The following GALNT13 variants were observed in gnomAD, a reference collection of about 807,000 sequenced individuals.
The protein encoded by GALNT13 is polypeptide N-acetylgalactosaminyltransferase 13, also known as UDP-GalNAc:polypeptide N-acetylgalactosaminyltransferase 13.
GALNT13 carries 28 observed loss-of-function variants against 64.2 expected under a neutral mutation model. That is an observed-to-expected ratio of 0.44 (90% CI 0.32 to 0.60). GALNT13 has a LOEUF of 0.60. Ranked by LOEUF, GALNT13 falls within the 20% of genes least tolerant of loss-of-function variation. The pLI is 0.05. For synonymous variants in GALNT13, 214 were observed against 224.6 expected, an observed-to-expected ratio of 0.95 and a Z score of 0.42; for missense variants, 577 against 669.8, an observed-to-expected ratio of 0.86 and a Z score of 1.53.
chr2:153,107,820 C>T, the GALNT13 span, among the ~76,000 whole-genome samples: 1 of 152,076 alleles, frequency 6.6e-6, no homozygotes, highest in Non-Finnish European at 1.5e-5. Context: ...CAAAGGAAAG[C>T]CATTTTGGGA....
intron 3 of GALNT13, among the ~76,000 whole-genome samples, chr2:153,992,878 C>G (rs1201998831): frequency 6.6e-6 from 1 of 152,124 alleles, no homozygotes; most frequent in Non-Finnish European, 1.5e-5. Context: ...TTTATTGATG[C>G]TTATAGAAGT....
At chr2:153,250,675 T>A in the GALNT13 span, among the ~76,000 whole-genome samples, 15 of 152,264 alleles carry the variant, frequency 9.9e-5, no homozygotes, top group African/African-American at 3.4e-4. Flanking sequence ...ATGTGGCACA[T>A]ATACACCATG....
chr2:153,805,243 G>C, the GALNT13 span, among the ~76,000 whole-genome samples: 2,517 of 151,544 alleles, frequency 0.017, 76 homozygotes, highest in African/African-American at 0.057. Flanking sequence ...CAAAGCAAGG[G>C]TATAGAAAAA....
intron 3 of GALNT13, among the ~76,000 whole-genome samples, chr2:153,994,993 A>G (rs1372498642): frequency 6.6e-6 from 1 of 152,088 alleles, no homozygotes; most frequent in African/African-American, 2.4e-5. Flanking sequence ...TTAAGTGTCT[A>G]TACTAATGTA....
At chr2:153,802,153 A>G in the GALNT13 span, among the ~76,000 whole-genome samples, 1 of 152,176 alleles carries the variant, frequency 6.6e-6, no homozygotes, top group African/African-American at 2.4e-5. Context: ...ACATGCCCTT[A>G]AGTTTTCTTA....
intron 7 of GALNT13, among the ~76,000 whole-genome samples, chr2:154,252,725 AGAT>A (rs1329620928): frequency 3.6e-4 from 3 of 8,384 alleles, no homozygotes; most frequent in Non-Finnish European, 9.7e-4. Flanking sequence ...GAATGGAAAA[AGAT>A]AGATAGATAG....
intron 3 of GALNT13, among the ~76,000 whole-genome samples, chr2:153,962,566 G>A (rs1693020061): frequency 1.3e-5 from 2 of 152,310 alleles, no homozygotes; most frequent in South Asian, 2.1e-4. Context: ...TGAGAGTAAG[G>A]TGATTACATT....
chr2:154,059,348 C>A (rs988995482), intron 3 of GALNT13, among the ~76,000 whole-genome samples: 2 of 152,174 alleles, frequency 1.3e-5, no homozygotes, highest in African/African-American at 4.8e-5. Context: ...ATCTTCATTT[C>A]TCTTGAATGA....
At chr2:153,985,068 G>T (rs187079313) in intron 3 of GALNT13, among the ~76,000 whole-genome samples, 2 of 151,964 alleles carry the variant, frequency 1.3e-5, no homozygotes, top group Non-Finnish European at 2.9e-5. Flanking sequence ...TTCCATCTGT[G>T]TTGTAAGATC....
chr2:153,924,156 C>T (rs971213688), intron 2 of GALNT13, among the ~76,000 whole-genome samples: 2 of 152,100 alleles, frequency 1.3e-5, no homozygotes, highest in African/African-American at 4.8e-5. Context: ...CATCCCATCA[C>T]CTTTGTATTA....
the GALNT13 span, among the ~76,000 whole-genome samples, chr2:153,798,014 T>C: frequency 6.6e-6 from 1 of 152,208 alleles, no homozygotes; most frequent in South Asian, 2.1e-4. Context: ...AAATTAAGAA[T>C]CTCAAGTTAT....
At chr2:153,933,411 C>T (rs913139051) in intron 2 of GALNT13, among the ~76,000 whole-genome samples, 7 of 152,030 alleles carry the variant, frequency 4.6e-5, no homozygotes, top group Non-Finnish European at 1.5e-5. Flanking sequence ...TTTCTATTTG[C>T]TTGGTAGATT....
intron 1 of GALNT13, among the ~76,000 whole-genome samples, chr2:153,880,476 A>C (rs75351453): frequency 0.2 from 30,498 of 152,008 alleles, 3,971 homozygotes; most frequent in Middle Eastern, 0.33. Flanking sequence ...GGTTTAAAAA[A>C]GAGTTAAAAA....
chr2:154,096,300 C>T (rs1702069986), intron 3 of GALNT13, among the ~76,000 whole-genome samples: 1 of 151,986 alleles, frequency 6.6e-6, no homozygotes, highest in Non-Finnish European at 1.5e-5. Context: ...GGCTCTGGGA[C>T]ATACCCAGCT....
the GALNT13 span, among the ~76,000 whole-genome samples, chr2:153,403,199 G>A: frequency 7.6e-3 from 1,081 of 142,122 alleles, 10 homozygotes; most frequent in African/African-American, 0.016. Context: ...GTGAGGTGTC[G>A]GTATGCCCCT....
At chr2:154,345,276 G>C (rs960595525) in intron 9 of GALNT13, among the ~76,000 whole-genome samples, 1 of 151,966 alleles carries the variant, frequency 6.6e-6, no homozygotes, top group South Asian at 2.1e-4. Flanking sequence ...ACAAAAGACC[G>C]ATGGTCCCTG....
At chr2:153,608,460 C>T in the GALNT13 span, among the ~76,000 whole-genome samples, 1 of 151,854 alleles carries the variant, frequency 6.6e-6, no homozygotes, top group Admixed American at 6.6e-5. Flanking sequence ...AAAGTATACT[C>T]GCCACCGTGT....
At chr2:154,297,938 A>G (rs1401319204) in intron 8 of GALNT13, among the ~76,000 whole-genome samples, 1 of 152,140 alleles carries the variant, frequency 6.6e-6, no homozygotes, top group East Asian at 1.9e-4. Context: ...CAACAAACCA[A>G]GTTTGAACAT....
chr2:153,921,759 A>G (rs1689772926), intron 2 of GALNT13, among the ~76,000 whole-genome samples: 1 of 152,186 alleles, frequency 6.6e-6, no homozygotes, highest in Non-Finnish European at 1.5e-5. Context: ...AAAATACAGT[A>G]AATTTGGAAA....
Sources: gnomAD v4.1 joint callset for allele counts (sites outside exome capture counted in the v4.1 genomes callset) on GRCh38, gnomAD v4.1.1 for gene constraint, MANE v1.5 for transcripts, NCBI Gene and HGNC (gene_info 2026-07-23, HGNC 2026-07-21) for gene names.